ZNF7: variants seen among roughly 807,000 people sequenced by gnomAD.
The protein encoded by ZNF7 is C2-H2 type zinc finger protein.
ZNF7 carries 10 observed loss-of-function variants against 12.0 expected under a neutral mutation model. The ratio of observed to expected loss-of-function variants is 0.83; its 90% confidence interval spans 0.51 to 1.42. ZNF7 has a LOEUF of 1.42. ZNF7 is among the 40% of genes most tolerant of loss of function. The probability of loss-of-function intolerance (pLI) is 0.00; values close to 1 mark genes in which losing one functional copy is unlikely to be tolerated. For missense variants in ZNF7, 854 were observed against 837.2 expected (o/e 1.02, Z -0.25); for synonymous variants, 334 against 295.0 (o/e 1.13, Z -1.35).
chr8:144,836,646 T>C (rs1041937555), intron 3 of ZNF7: 1 of 152,310 alleles, frequency 6.6e-6, no homozygotes, highest in Admixed American at 6.5e-5. Context: ...GGGTTTCAGC[T>C]TATTGGCTAT....
rs1830294461 is a variant in ZNF7 at position 144,843,592 on chromosome 8, A to C, written c.*424A>C. 6.7e-6 allele frequency: 1 copy of C among 150,342 alleles called. No homozygotes were observed. Among genetic ancestry groups the C allele is most frequent in the Non-Finnish European group, 1.5e-5 (1 of 67,808 alleles). The allele number at this position is 150,342 out of a possible 1,614,324, so 9.3% of individuals were successfully genotyped here. A position where few individuals can be genotyped will look rare whatever the true frequency, so the allele number is the denominator to read the frequency against. ...GACAGAGTGAGACTCCCTCTCAAAA[A>C]AAAAAAAAAAAAAAAAAATCCAACT... On this transcript the variant is annotated 3_prime_UTR_variant, in exon 5 of 5. Coordinates refer to ENST00000532777, the MANE Select transcript of ZNF7 (RefSeq NM_003416.4).
At chr8:144,830,252 TG>T (rs1463769627) in intron 3 of ZNF7, among the ~76,000 whole-genome samples, 1 of 152,198 alleles carries the variant, frequency 6.6e-6, no homozygotes, top group Non-Finnish European at 1.5e-5. Flanking sequence ...CGGGCATCGT[TG>T]GTTGGCCAGG....
intron 4 of ZNF7, among the ~76,000 whole-genome samples, chr8:144,840,564 G>C (rs1199442661): frequency 6.6e-6 from 1 of 152,226 alleles, no homozygotes; most frequent in Non-Finnish European, 1.5e-5. Context: ...ACATCAAGGA[G>C]ATGTCTGACC....
chr8:144,833,611 C>G (rs962867497), intron 3 of ZNF7: 3 of 151,702 alleles, frequency 2.0e-5, no homozygotes, highest in Non-Finnish European at 2.9e-5. Context: ...CTCCTGACCT[C>G]AGGTTATCCA....
At position 144,842,386 on chromosome 8, in the gene ZNF7, C is replaced by G. The variant is rs575469319; in HGVS notation, c.1279C>G (p.Arg427Gly). The G allele has an allele frequency of 1.2e-6, 2 of 1,613,948 alleles. No homozygotes were observed. Among genetic ancestry groups the G allele is most frequent in the Admixed American group, 3.3e-5 (2 of 60,028 alleles). Residue 427 changes from arginine (R) to glycine (G), a missense_variant, in exon 5 of 5, where the codon CGC becomes GGC. By Grantham distance (125) the Arg-to-Gly change is moderately radical. Transcript: ENST00000532777. The stretch of plus-strand genomic sequence containing the variant: ...TGGGAAAGCTTTTAGGTGGATCTCT[C>G]GCCTGAGTCAGCATCAGCTGATTCA... ...ECGKAFRWIS[R>G]LSQHQLIHTG...
Position 144,842,164 on chromosome 8 carries a change from C to T in ZNF7, c.1057C>T (p.Gln353Ter). The change falls in exon 5 of 5, where the codon CAG becomes TAG. Residue 353 changes from glutamine (Q) to a stop codon, truncating the protein, a stop_gained. Coordinates refer to ENST00000532777, the MANE Select transcript of ZNF7 (RefSeq NM_003416.4). LOFTEE classifies it low-confidence loss of function (END_TRUNC). ...FSQQSQLVRHQRTHTGERPYP... is the reference protein window; with the variant it reads ...FSQQSQLVRH Reference sequence around the variant, plus strand: ...CCAGCAGTCGCAGCTGGTTAGACACCAGAGAACTCACACTGGGGAGAGGCC... The same window carrying T: ...CCAGCAGTCGCAGCTGGTTAGACACTAGAGAACTCACACTGGGGAGAGGCC... 6.2e-7 allele frequency: 1 copy of T among 1,614,118 alleles called. No individual in the cohort carries two copies. The highest frequency in any genetic ancestry group is 8.5e-7 in the Non-Finnish European group (1 of 1,180,000).
At chr8:144,845,940 T>G, downstream of ZNF7, 1 of 1,530,308 alleles carries the variant, frequency 6.5e-7, no homozygotes, top group Non-Finnish European at 8.7e-7. Flanking sequence ...CACCTTCAGG[T>G]CTAGCACAGG....
In ZNF7 at chr8:144,832,984, G is replaced by A. The variant is rs898438639; in HGVS notation, c.130+3380G>A. Among the ~76,000 whole-genome samples the A allele has an allele frequency of 4.6e-5, 7 of 151,982 alleles. 2 individuals carry two copies. Among genetic ancestry groups the A allele is most frequent in the African/African-American group, 1.7e-4 (7 of 41,382 alleles). ...AGGCCGAGGTGGGCGGATCACCTGA[G>A]GTCAGGAGTTCGAGACCAGCCAGGC... On this transcript the variant is annotated intron_variant, in intron 3 of 4. Coordinates refer to ENST00000532777, the MANE Select transcript of ZNF7 (RefSeq NM_003416.4).
At chr8:144,833,225 C>T (rs1828644384) in intron 3 of ZNF7, among the ~76,000 whole-genome samples, 1 of 151,144 alleles carries the variant, frequency 6.6e-6, no homozygotes, top group Admixed American at 6.6e-5. Flanking sequence ...AGACTATCTC[C>T]TTTTCCTGTT....
At chr8:144,847,207 C>T (rs182547944), downstream of ZNF7, 14 of 152,368 alleles carry the variant, frequency 9.2e-5, no homozygotes, top group Non-Finnish European at 1.5e-4. Flanking sequence ...AGGGGCTGCT[C>T]ATGGGGTAGT....
At chr8:144,847,006 G>C (rs1223659851), downstream of ZNF7, 5 of 152,210 alleles carry the variant, frequency 3.3e-5, no homozygotes, top group African/African-American at 4.8e-5. Flanking sequence ...CTGAGGAGGA[G>C]TCCTCTTCTA....
In ZNF7 at chr8:144,841,945, T is replaced by G. The variant is rs771580771; in HGVS notation, c.838T>G (p.Cys280Gly). 2.5e-6 allele frequency: 4 copies of G among 1,614,048 alleles called. No homozygotes were observed. In the African/African-American group the frequency reaches 5.3e-5, roughly 22 times the overall value. The change falls in exon 5 of 5, where the codon TGC becomes GGC. Residue 280 changes from cysteine to glycine, a missense_variant. Coordinates refer to ENST00000532777, the MANE Select transcript of ZNF7 (RefSeq NM_003416.4). ...CCACACGGGAGAGAAACCCTTTAAA[T>G]GCACTGAGTGTGGAAAAGCCTTCCG... ...RIHTGEKPFK[C>G]TECGKAFRLS...
In ZNF7 at chr8:144,829,396, C is replaced by A. The variant is rs774406977; in HGVS notation, c.4-82C>A. 4.0e-5 allele frequency: 63 copies of A among 1,583,974 alleles called. No homozygotes were observed. The Middle Eastern group carries it at 1.3e-3, about 32-fold the overall frequency. ...CGTCTCGCCCAACCCCATGGGGCAG[C>A]TGCCTGAGACATGTCATGAGGCAGC... is the stretch of plus-strand genomic sequence containing the variant. On this transcript the variant is annotated intron_variant, in intron 2 of 4. Coordinates refer to ENST00000532777, the MANE Select transcript of ZNF7 (RefSeq NM_003416.4).
intron 3 of ZNF7, chr8:144,834,315 CA>C (rs1336442430): frequency 1.3e-5 from 2 of 152,162 alleles, no homozygotes; most frequent in Admixed American, 1.3e-4. Flanking sequence ...TGCTGTTTTC[CA>C]GCAGGAGGAT....
downstream of ZNF7, chr8:144,846,391 C>G (rs950698073): frequency 1.8e-6 from 1 of 560,660 alleles, no homozygotes; most frequent in Non-Finnish European, 3.1e-6. Flanking sequence ...CATTTGAAAA[C>G]TATGTTAAAA....
rs2130739333 is a variant in ZNF7 at position 144,843,603 on chromosome 8, A to G, written c.*435A>G. Reference sequence around the variant, plus strand: ...ACTCCCTCTCAAAAAAAAAAAAAAAAAAAAAAATCCAACTTCATACAAAAT... The same window carrying G: ...ACTCCCTCTCAAAAAAAAAAAAAAAGAAAAAAATCCAACTTCATACAAAAT... On this transcript the variant is annotated 3_prime_UTR_variant, in exon 5 of 5. Transcript: ENST00000532777. The G allele has an allele frequency of 6.5e-6, 1 of 153,000 alleles. No homozygotes were observed. Among genetic ancestry groups the G allele is most frequent in the South Asian group, 2.1e-4 (1 of 4,852 alleles). The allele number at this position is 153,000 out of a possible 1,614,324, so 9.5% of individuals were successfully genotyped here.
downstream of ZNF7, chr8:144,845,890 T>C: frequency 2.2e-6 from 3 of 1,339,486 alleles, no homozygotes; most frequent in South Asian, 4.1e-5. Context: ...ACGTGGCTGC[T>C]GAGAAGGGTC....
In ZNF7 at chr8:144,841,479, C is replaced by A; in HGVS notation, c.372C>A (p.Asp124Glu). 1 of 1,614,190 alleles carries A rather than the reference C, an allele frequency of 6.2e-7. No homozygotes were observed. Among genetic ancestry groups the A allele is most frequent in the Admixed American group, 1.7e-5 (1 of 60,016 alleles). Reference sequence around the variant, plus strand: ...TTCCTCAGAATCCTGGCTTTGGAGACGTTTCTGATTCTGAGGTCTGGTTAG... The same window carrying A: ...TTCCTCAGAATCCTGGCTTTGGAGAAGTTTCTGATTCTGAGGTCTGGTTAG... ...QDFPQNPGFGDVSDSEVWLDS... is the reference protein window; with the variant it reads ...QDFPQNPGFGEVSDSEVWLDS... Residue 124 changes from aspartate to glutamate, a missense_variant, in exon 5 of 5, where the codon GAC becomes GAA. Transcript: ENST00000532777.
chr8:144,827,790 A>G (rs1827943087), intron 1 of ZNF7, 181 bp downstream of exon 1: 9 of 676,968 alleles, frequency 1.3e-5, no homozygotes, highest in Non-Finnish European at 1.6e-5. Flanking sequence ...GAGCCCAGCC[A>G]CCCTCCCCCG....
Sources: allele counts gnomAD v4.1 joint callset (sites outside exome capture counted in the v4.1 genomes callset), GRCh38; gene constraint gnomAD v4.1.1; transcripts MANE v1.5; gene names NCBI Gene and HGNC (gene_info 2026-07-23, HGNC 2026-07-21).